Variants in ADGRD1 observed in about 807,000 individuals in gnomAD.
ADGRD1 encodes G-protein coupled receptor 133.
Under a neutral mutation model 113.4 loss-of-function variants are expected in ADGRD1, and 77 were observed. The ratio of observed to expected loss-of-function variants is 0.68; its 90% CI spans 0.57 to 0.82. The LOEUF is 0.82. ADGRD1 is among the 40% of genes least tolerant of loss of function. The pLI, the probability that ADGRD1 is intolerant of heterozygous loss-of-function variation, is 0.00. For missense variants in ADGRD1, 1,036 were observed against 1,139.1 expected (o/e 0.91, Z 1.30); for synonymous variants, 474 against 475.0 (o/e 1.00, Z 0.03).
intron 15 of ADGRD1, among the ~76,000 whole-genome samples, chr12:131,086,529 A>C (rs1886480155): frequency 6.6e-6 from 1 of 152,210 alleles, no homozygotes; most frequent in South Asian, 2.1e-4. Flanking sequence ...GACCACAGTT[A>C]ACTCTCAGAT....
chr12:130,954,240 C>T lies in ADGRD1; in HGVS notation c.-226C>T, dbSNP rs1052067655. On this transcript the variant is annotated 5_prime_UTR_variant, in exon 1 of 25. Coordinates refer to ENST00000261654, the MANE Select transcript of ADGRD1 (RefSeq NM_198827.5). The surrounding 1 kb of genome is among the most constrained non-coding windows in gnomAD (Gnocchi z 4.7). Reference sequence around the variant, plus strand: ...CATTCCACAGCTGCTCTGGTCATCGCAACGTGTTTATTGATCACTGAAGAA... The same window carrying T: ...CATTCCACAGCTGCTCTGGTCATCGTAACGTGTTTATTGATCACTGAAGAA... The T allele has an allele frequency of 1.0e-4, 48 of 463,262 alleles. No homozygotes were observed. In the East Asian group the frequency reaches 1.5e-3, roughly 15 times the overall value. The allele number at this position is 463,262 out of a possible 1,614,324, so 28.7% of individuals were successfully genotyped here. A position where few individuals can be genotyped will look rare whatever the true frequency, so the allele number is the denominator to read the frequency against.
At chr12:131,069,751 T>C (rs1214277179) in intron 13 of ADGRD1, 1 of 152,236 alleles carries the variant, frequency 6.6e-6, no homozygotes, top group Non-Finnish European at 1.5e-5. Context: ...ATCCAAGGTC[T>C]TAGAAAATAT....
intron 13 of ADGRD1, among the ~76,000 whole-genome samples, chr12:131,037,455 G>A (rs1169519598): frequency 6.9e-6 from 1 of 144,706 alleles, no homozygotes; most frequent in Admixed American, 6.8e-5. Flanking sequence ...CACTGCATGG[G>A]GCCTCACTCA....
chr12:131,049,560 C>T (rs926658567), intron 13 of ADGRD1, among the ~76,000 whole-genome samples: 11 of 152,318 alleles, frequency 7.2e-5, no homozygotes, highest in African/African-American at 2.6e-4. Flanking sequence ...CGTGCACCAC[C>T]CAGAGTGACC....
intron 13 of ADGRD1, among the ~76,000 whole-genome samples, chr12:131,032,708 CCA>C (rs1880918932): frequency 7.3e-6 from 1 of 137,606 alleles, no homozygotes; most frequent in African/African-American, 3.3e-5. Flanking sequence ...AATCGCCACC[CCA>C]TCACAGAGAT....
intron 15 of ADGRD1, among the ~76,000 whole-genome samples, chr12:131,102,042 A>G (rs1950100924): frequency 6.6e-6 from 1 of 152,188 alleles, no homozygotes; most frequent in African/African-American, 2.4e-5. Flanking sequence ...GGTTTATTTT[A>G]CCTGCAGAAT....
At chr12:130,981,510 C>G in intron 4 of ADGRD1, 1 of 160,440 alleles carries the variant, frequency 6.2e-6, no homozygotes, top group Non-Finnish European at 1.4e-5. Context: ...TGTAGGTCTT[C>G]ACATTTGCAT....
intron 2 of ADGRD1, among the ~76,000 whole-genome samples, chr12:130,964,149 C>T (rs1019055310): frequency 1.4e-4 from 21 of 151,534 alleles, no homozygotes; most frequent in South Asian, 6.2e-4. Flanking sequence ...TAATATAATA[C>T]GTTTAATACC....
chr12:131,123,054 T>TG (rs1566130292), intron 20 of ADGRD1, among the ~76,000 whole-genome samples: 5 of 128,270 alleles, frequency 3.9e-5, no homozygotes, highest in Non-Finnish European at 4.9e-5. Context: ...TTTTTTTTTT[T>TG]TTTTTTTTTT....
At chr12:131,121,300 A>G (rs1329774543) in intron 20 of ADGRD1, among the ~76,000 whole-genome samples, 1 of 152,226 alleles carries the variant, frequency 6.6e-6, no homozygotes, top group African/African-American at 2.4e-5. Flanking sequence ...ATCTCAGCAG[A>G]AGCCTCCTGG....
At position 131,084,219 on chromosome 12, in the gene ADGRD1, C is replaced by T. The variant is rs892057231; in HGVS notation, c.1548-321C>T. Reference sequence around the variant, plus strand: ...TAGGCGCAGGGCTGTGGGCCATGTGCGTTTCATTTTGTGCTGGGCTTGGTC... The same window carrying T: ...TAGGCGCAGGGCTGTGGGCCATGTGTGTTTCATTTTGTGCTGGGCTTGGTC... On this transcript the variant is annotated intron_variant, in intron 14 of 24. Transcript: ENST00000261654. The surrounding 1 kb of genome is among the most constrained non-coding windows in gnomAD (Gnocchi z 4.5). Among the ~76,000 whole-genome samples the T allele has an allele frequency of 1.3e-5, 2 of 152,138 alleles. No homozygotes were observed. Among genetic ancestry groups the T allele is most frequent in the Non-Finnish European group, 2.9e-5 (2 of 68,018 alleles).
At position 131,038,324 on chromosome 12, in the gene ADGRD1, G is replaced by A. The variant is rs577660576; in HGVS notation, c.1473+23984G>A. 3.9e-4 allele frequency among the ~76,000 whole-genome samples: 60 copies of A among 152,336 alleles called. No individual in the cohort carries two copies. In the South Asian group the frequency reaches 0.012, roughly 30 times the overall value. ...TGAGCCAGGGCAGGTGGCAGATGGC[G>A]CAGGGCAGCCATGTGTTAGAATTCC... On this transcript the variant is annotated intron_variant, in intron 13 of 24. Coordinates refer to ENST00000261654, the MANE Select transcript of ADGRD1 (RefSeq NM_198827.5).
chr12:131,137,939 G>A (rs975162700), intron 23 of ADGRD1, 198 bp from the exon 24 acceptor site: 11 of 578,340 alleles, frequency 1.9e-5, no homozygotes, highest in Non-Finnish European at 3.1e-5. Flanking sequence ...CAGCTTCCCT[G>A]GCCTGCGATA....
Position 131,004,488 on chromosome 12 carries a change from C to T in ADGRD1, c.1255+192C>T, listed in dbSNP as rs1439702473. Among the ~76,000 whole-genome samples the T allele has an allele frequency of 5.3e-5, 8 of 151,706 alleles. No individual in the cohort carries two copies. In the South Asian group the frequency reaches 1.0e-3, roughly 20 times the overall value. On this transcript the variant is annotated intron_variant, in intron 11 of 24. Coordinates refer to ENST00000261654, the MANE Select transcript of ADGRD1 (RefSeq NM_198827.5). ...GTGGGCAGCCGTTCTCAAAGCGTGT[C>T]CTCAGGCCACCCTCATGGACACGCT...
chr12:131,014,557 C>T (rs1487097995), intron 13 of ADGRD1, among the ~76,000 whole-genome samples: 1 of 152,080 alleles, frequency 6.6e-6, no homozygotes, highest in Non-Finnish European at 1.5e-5. Context: ...CACGCGGTGT[C>T]GATGTTGGGG....
intron 8 of ADGRD1, among the ~76,000 whole-genome samples, chr12:130,997,035 C>G (rs1405534509): frequency 7.6e-6 from 1 of 132,232 alleles, no homozygotes; most frequent in African/African-American, 3.0e-5. Flanking sequence ...CCCTCCCGGA[C>G]GGGGCGGCTG....
intron 20 of ADGRD1, among the ~76,000 whole-genome samples, chr12:131,122,791 GGTCA>G (rs1405867206): frequency 2.0e-5 from 3 of 152,182 alleles, no homozygotes; most frequent in African/African-American, 4.8e-5. Context: ...GTCTGACCGT[GGTCA>G]GTGACAGCTG....
rs1483128712 is a variant in ADGRD1, at chr12:130,954,559, G to A, written c.66+28G>A. The A allele has an allele frequency of 5.0e-6, 8 of 1,613,598 alleles. No individual in the cohort carries two copies. Among genetic ancestry groups the A allele is most frequent in the Non-Finnish European group, 6.8e-6 (8 of 1,179,718 alleles). ...AATGTCCCCAAGTGGCCAGGATGGC[G>A]ACAGGCTTGGTTTCTCCGGAGGCTT... On this transcript the variant is annotated intron_variant, in intron 1 of 24. Coordinates refer to ENST00000261654, the MANE Select transcript of ADGRD1 (RefSeq NM_198827.5). The surrounding 1 kb of genome is among the most constrained non-coding windows in gnomAD (Gnocchi z 4.7).
chr12:130,964,252 G>A (rs1017707680), intron 2 of ADGRD1, among the ~76,000 whole-genome samples: 6 of 151,432 alleles, frequency 4.0e-5, no homozygotes, highest in Non-Finnish European at 8.8e-5. Flanking sequence ...ATTGTGTTTT[G>A]TTTTATTTTA....
Sources: allele counts gnomAD v4.1 joint callset (sites outside exome capture counted in the v4.1 genomes callset), GRCh38; gene constraint gnomAD v4.1.1; non-coding constraint Gnocchi (gnomAD v3.1); transcripts MANE v1.5; gene names NCBI Gene and HGNC (gene_info 2026-07-23, HGNC 2026-07-21).